Variants in ASB15 observed in about 807,000 individuals in gnomAD.
ASB15 encodes the protein ankyrin repeat and SOCS box containing 15.
Under a neutral mutation model 58.0 loss-of-function variants are expected in ASB15, and 54 were observed. The ratio of observed to expected loss-of-function variants is 0.93; its 90% CI spans 0.75 to 1.17. The LOEUF is 1.17. Ranked by LOEUF, ASB15 falls within the 50% of genes most tolerant of loss-of-function variation. The probability of loss-of-function intolerance (pLI) is 0.00; values close to 1 mark genes in which losing one functional copy is unlikely to be tolerated. For synonymous variants in ASB15, 249 were observed against 262.4 expected, an observed-to-expected ratio of 0.95 and a Z score of 0.50; for missense variants, 680 against 707.4, an observed-to-expected ratio of 0.96 and a Z score of 0.44.
upstream of ASB15, among the ~76,000 whole-genome samples, chr7:123,600,951 A>G (rs898176931): frequency 2.0e-5 from 3 of 152,184 alleles, no homozygotes; most frequent in Admixed American, 1.3e-4. Context: ...AGCAAATCCA[A>G]TGAGGGTTTG....
intron 1 of ASB15, among the ~76,000 whole-genome samples, chr7:123,571,096 A>G (rs1439971030): frequency 1.3e-5 from 2 of 152,196 alleles, no homozygotes; most frequent in African/African-American, 4.8e-5. Context: ...ATTTGTTTCC[A>G]CTTGTTTTTA....
intron 1 of ASB15, among the ~76,000 whole-genome samples, chr7:123,575,307 A>G (rs1032447898): frequency 6.6e-6 from 1 of 151,994 alleles, no homozygotes; most frequent in Non-Finnish European, 1.5e-5. Flanking sequence ...ATCCTCTTCC[A>G]TTGATTCTAG....
intron 1 of ASB15, among the ~76,000 whole-genome samples, chr7:123,592,660 C>T (rs776191107): frequency 7.9e-5 from 12 of 152,004 alleles, no homozygotes; most frequent in African/African-American, 2.4e-4. Context: ...CCGTTTGTTG[C>T]GATTTCTGTT....
Position 123,624,818 on chromosome 7 carries a change from T to C in ASB15, c.697+4T>C, listed in dbSNP as rs372443719. ...TTAGAACATCTAATCCACAAAGGTA[T>C]GTGAAAAGGAGTTACACTTCCTGAC... is the stretch of plus-strand genomic sequence containing the variant. On this transcript the variant is annotated splice_donor_region_variant and intron_variant, in intron 8 of 11. Transcript: ENST00000451215. The C allele has an allele frequency of 1.9e-6, 3 of 1,612,726 alleles. No individual in the cohort carries two copies. The Admixed American group carries it at 5.0e-5, about 27-fold the overall frequency.
chr7:123,604,454 C>T (rs1248227998), intron 2 of ASB15, among the ~76,000 whole-genome samples: 3 of 151,848 alleles, frequency 2.0e-5, no homozygotes, highest in Non-Finnish European at 4.4e-5. Flanking sequence ...TAGTGGTGGG[C>T]TCCTGTAATC....
chr7:123,618,182 T>G (rs1800950200), intron 7 of ASB15, among the ~76,000 whole-genome samples: 1 of 152,174 alleles, frequency 6.6e-6, no homozygotes, highest in East Asian at 1.9e-4. Flanking sequence ...AGCACACAGA[T>G]GCAGAGCATG....
intron 4 of ASB15, chr7:123,615,424 A>G (rs1800738425): frequency 6.6e-6 from 1 of 152,192 alleles, no homozygotes; most frequent in African/African-American, 2.4e-5. Context: ...GACGTAGTAC[A>G]CTGAAATTTC....
chr7:123,628,920 T>C lies in ASB15; in HGVS notation c.926T>C (p.Leu309Pro), dbSNP rs775192634. 6.3e-7 allele frequency: 1 copy of C among 1,597,696 alleles called. No individual in the cohort carries two copies. Residue 309 changes from leucine (L) to proline (P), a missense_variant, in exon 10 of 12, where the codon CTA becomes CCA. Coordinates refer to ENST00000451215, the MANE Select transcript of ASB15 (RefSeq NM_001290258.2). Reference sequence around the variant, plus strand: ...AAAAATGCAATTCGGAAAAGTGGGCTAACACCAATTCACTCAGCAGCAGAT... The same window carrying C: ...AAAAATGCAATTCGGAAAAGTGGGCCAACACCAATTCACTCAGCAGCAGAT... ...TSKNAIRKSG[L>P]TPIHSAADGQ...
intron 1 of ASB15, among the ~76,000 whole-genome samples, chr7:123,576,326 T>A (rs1799064065): frequency 6.6e-6 from 1 of 151,966 alleles, no homozygotes; most frequent in Non-Finnish European, 1.5e-5. Context: ...TTTTTATATA[T>A]GAAGTTGTGT....
At chr7:123,567,065 T>C (rs1380507750) in exon 1 of ASB15, 2 of 152,320 alleles carry the variant, frequency 1.3e-5, no homozygotes, top group African/African-American at 4.8e-5. Flanking sequence ...CAAAACTAGA[T>C]AGAGCTATTT....
intron 1 of ASB15, among the ~76,000 whole-genome samples, chr7:123,576,198 AT>A (rs1799060369): frequency 6.7e-6 from 1 of 149,910 alleles, no homozygotes; most frequent in Non-Finnish European, 1.5e-5. Context: ...TTCAAATTTG[AT>A]TTTCACTTTT....
At chr7:123,615,953 T>C (rs906117999) in intron 4 of ASB15, among the ~76,000 whole-genome samples, 6 of 152,216 alleles carry the variant, frequency 3.9e-5, no homozygotes, top group Non-Finnish European at 2.9e-5. Context: ...TTACTCCTTT[T>C]TTATTGCTTT....
intron 1 of ASB15, among the ~76,000 whole-genome samples, chr7:123,568,111 G>A (rs1303315344): frequency 6.6e-6 from 1 of 152,168 alleles, no homozygotes; most frequent in Non-Finnish European, 1.5e-5. Context: ...GTGGCTATCT[G>A]CTTCTGTACA....
At chr7:123,588,525 CT>C (rs1472718606) in intron 1 of ASB15, among the ~76,000 whole-genome samples, 4 of 150,346 alleles carry the variant, frequency 2.7e-5, no homozygotes, top group African/African-American at 9.7e-5. Context: ...ATTTTCCTTT[CT>C]TTCTTTCTTT....
At chr7:123,617,338 A>G (rs720289) in intron 6 of ASB15, among the ~76,000 whole-genome samples, 49,248 of 152,104 alleles carry the variant, frequency 0.32, 8,158 homozygotes, top group Non-Finnish European at 0.33. Flanking sequence ...GACTTAGCAC[A>G]TCATTTTCAA....
chr7:123,608,104 CTTATT>C (rs1800237548), intron 2 of ASB15, among the ~76,000 whole-genome samples: 1 of 151,780 alleles, frequency 6.6e-6, no homozygotes, highest in African/African-American at 2.4e-5. Context: ...TTTTCTTGTT[CTTATT>C]TTATTTTTTT....
chr7:123,608,060 A>G (rs1323564118), intron 2 of ASB15, among the ~76,000 whole-genome samples: 3 of 152,174 alleles, frequency 2.0e-5, no homozygotes, highest in Non-Finnish European at 4.4e-5. Flanking sequence ...TTGGAAATCA[A>G]TAGTAAAGAG....
intron 1 of ASB15, among the ~76,000 whole-genome samples, chr7:123,593,662 G>C (rs1194067851): frequency 6.6e-6 from 1 of 152,064 alleles, no homozygotes; most frequent in East Asian, 1.9e-4. Flanking sequence ...AAGTCTGATG[G>C]GCTTCTCTTT....
chr7:123,583,744 T>C (rs1799300219), intron 1 of ASB15, among the ~76,000 whole-genome samples: 1 of 151,918 alleles, frequency 6.6e-6, no homozygotes, highest in Non-Finnish European at 1.5e-5. Flanking sequence ...GAACACTGTC[T>C]CTTTTCCTCA....
Sources: gnomAD v4.1 joint callset for allele counts (sites outside exome capture counted in the v4.1 genomes callset) on GRCh38, gnomAD v4.1.1 for gene constraint, MANE v1.5 for transcripts, NCBI Gene and HGNC (gene_info 2026-07-23, HGNC 2026-07-21) for gene names.